The following COL13A1 variants were observed in gnomAD, a reference collection of about 807,000 sequenced individuals.
COL13A1 encodes the protein collagen type XIII alpha 1 chain, also known as collagen alpha-1(XIII) chain.
Under a neutral mutation model 130.9 loss-of-function variants are expected in COL13A1, and 89 were observed. That is an observed-to-expected ratio of 0.68 (90% CI 0.57 to 0.81). The LOEUF (loss-of-function observed/expected upper bound fraction) is 0.81. Among genes scored for constraint, COL13A1 ranks in the 30% least tolerant of loss-of-function variants. COL13A1 has a pLI of 0.00. For missense variants in COL13A1, 879 were observed against 934.6 expected, an observed-to-expected ratio of 0.94 and a Z score of 0.78; for synonymous variants, 402 against 341.6, an observed-to-expected ratio of 1.18 and a Z score of -1.95.
At chr10:69,864,080 ATAAATTAAAT>A (rs911163166) in intron 2 of COL13A1, among the ~76,000 whole-genome samples, 21 of 152,274 alleles carry the variant, frequency 1.4e-4, no homozygotes, top group Middle Eastern at 3.4e-3. Context: ...AAAAATAATA[ATAAATTAAAT>A]TAAATTAAAT....
intron 26 of COL13A1, 88 bp from the exon 27 acceptor site, chr10:69,926,999 C>T: frequency 2.5e-6 from 4 of 1,589,320 alleles, no homozygotes; most frequent in Non-Finnish European, 3.5e-6. Context: ...AGGGGCCTAG[C>T]TCCCATGTTT....
At chr10:69,855,650 C>T (rs1375196794) in intron 2 of COL13A1, among the ~76,000 whole-genome samples, 2 of 152,020 alleles carry the variant, frequency 1.3e-5, no homozygotes, top group African/African-American at 2.4e-5. Flanking sequence ...ATTCCCTGTC[C>T]CTGCTTCACG....
rs1195551174 is a variant in COL13A1, at chr10:69,902,743, C to T, written c.751-5C>T. ...CCCTCTAACATTCGTTTCCATGAAC[C>T]TCAGGGCGAACAGAGCCAGGCCAGC... On this transcript the variant is annotated splice_region_variant and splice_polypyrimidine_tract_variant and intron_variant, in intron 14 of 40. Transcript: ENST00000645393. 10 of 1,548,000 alleles carry T rather than the reference C, an allele frequency of 6.5e-6. No homozygotes were observed.
intron 15 of COL13A1, 87 bp from the exon 16 acceptor site, chr10:69,904,846 C>T: frequency 7.0e-7 from 1 of 1,431,784 alleles, no homozygotes; most frequent in Non-Finnish European, 9.5e-7. Context: ...CTGCTCTGCC[C>T]CTAGGGTCTA....
intron 2 of COL13A1, among the ~76,000 whole-genome samples, chr10:69,828,091 A>C (rs1451314114): frequency 6.6e-6 from 1 of 152,236 alleles, no homozygotes; most frequent in Non-Finnish European, 1.5e-5. Flanking sequence ...CCTGCTTTAC[A>C]TGCAAATAAT....
At chr10:69,827,658 T>A (rs1483451766) in intron 2 of COL13A1, among the ~76,000 whole-genome samples, 1 of 152,244 alleles carries the variant, frequency 6.6e-6, no homozygotes, top group African/African-American at 2.4e-5. Flanking sequence ...CTTTATTTTC[T>A]TATGAGCTGC....
chr10:69,870,895 G>C (rs555128594), intron 3 of COL13A1, among the ~76,000 whole-genome samples: 1 of 152,168 alleles, frequency 6.6e-6, no homozygotes, highest in African/African-American at 2.4e-5. Flanking sequence ...GTAGGAGCAC[G>C]CCTGATGCTT....
At chr10:69,815,210 T>A (rs2642568) in intron 1 of COL13A1, among the ~76,000 whole-genome samples, 1 of 151,988 alleles carries the variant, frequency 6.6e-6, no homozygotes, top group Non-Finnish European at 1.5e-5. Context: ...ACCCACCCCA[T>A]GTATTGCAGA....
intron 1 of COL13A1, among the ~76,000 whole-genome samples, chr10:69,809,984 A>G (rs766874062): frequency 6.6e-6 from 1 of 152,228 alleles, no homozygotes; most frequent in Non-Finnish European, 1.5e-5. Context: ...CCTTGATCCC[A>G]GATCCTATTT....
intron 18 of COL13A1, 85 bp from the exon 19 acceptor site, chr10:69,918,200 T>C: frequency 7.4e-6 from 9 of 1,209,378 alleles, no homozygotes; most frequent in Non-Finnish European, 1.1e-5. Context: ...CATCACACCA[T>C]GGGGAGGCTG....
chr10:69,813,188 T>G (rs993185841), intron 1 of COL13A1, among the ~76,000 whole-genome samples: 1 of 152,032 alleles, frequency 6.6e-6, no homozygotes, highest in Non-Finnish European at 1.5e-5. Context: ...GACTTCTTTG[T>G]GGTGGGGGGC....
intron 1 of COL13A1, among the ~76,000 whole-genome samples, chr10:69,804,202 G>A (rs1840832634): frequency 6.6e-6 from 1 of 151,928 alleles, no homozygotes; most frequent in African/African-American, 2.4e-5. Flanking sequence ...TGAAGAAGGT[G>A]TCAGGGCAGT....
intron 2 of COL13A1, among the ~76,000 whole-genome samples, chr10:69,853,119 C>A (rs1855429741): frequency 6.6e-6 from 1 of 152,186 alleles, no homozygotes; most frequent in Non-Finnish European, 1.5e-5. Context: ...CCAGGGTGCC[C>A]CTGCCCCCTC....
intron 40 of COL13A1, 55 bp downstream of exon 40, chr10:69,957,097 C>T (rs530199589): frequency 2.7e-6 from 4 of 1,464,668 alleles, no homozygotes; most frequent in Middle Eastern, 1.7e-4. Context: ...TGCCATAAAG[C>T]TTCCACAATT....
intron 37 of COL13A1, among the ~76,000 whole-genome samples, chr10:69,946,386 G>A (rs1488271142): frequency 2.6e-5 from 4 of 152,202 alleles, no homozygotes; most frequent in Non-Finnish European, 5.9e-5. Flanking sequence ...GGCTTCATGA[G>A]CGGAGCAGCT....
At chr10:69,824,793 C>G (rs532687883) in intron 2 of COL13A1, among the ~76,000 whole-genome samples, 5 of 152,232 alleles carry the variant, frequency 3.3e-5, no homozygotes, top group Non-Finnish European at 5.9e-5. Flanking sequence ...CAGTTTGGCC[C>G]AAAGCATACA....
intron 2 of COL13A1, among the ~76,000 whole-genome samples, chr10:69,826,418 T>A (rs775147999): frequency 6.6e-5 from 10 of 152,160 alleles, no homozygotes; most frequent in Non-Finnish European, 1.3e-4. Context: ...GCAGCAGTGG[T>A]GGCATGGGGG....
chr10:69,875,197 C>T, intron 5 of COL13A1, 34 bp downstream of exon 5: 1 of 1,613,650 alleles, frequency 6.2e-7, no homozygotes, highest in Non-Finnish European at 8.5e-7. Flanking sequence ...CTCAGGTGGC[C>T]ATTGCTTGCT....
At chr10:69,902,938 C>T in intron 15 of COL13A1, 83 bp downstream of exon 15, 1 of 1,129,692 alleles carries the variant, frequency 8.9e-7, no homozygotes, top group Non-Finnish European at 1.2e-6. Context: ...GCAGTGGGTC[C>T]CCTACAAAAA....
Sources: gnomAD v4.1 joint callset for allele counts (sites outside exome capture counted in the v4.1 genomes callset) on GRCh38, gnomAD v4.1.1 for gene constraint, MANE v1.5 for transcripts, NCBI Gene and HGNC (gene_info 2026-07-23, HGNC 2026-07-21) for gene names.